Variants in ERICH1 observed in about 807,000 individuals in gnomAD.
ERICH1 encodes the protein glutamate rich 1.
Under a neutral mutation model 39.6 loss-of-function variants are expected in ERICH1, and 56 were observed. That is an observed-to-expected ratio of 1.41 (90% CI 1.14 to 1.77). The LOEUF is 1.77. Among genes scored for constraint, ERICH1 ranks in the 40% most tolerant of loss-of-function variants. The probability of loss-of-function intolerance (pLI) is 0.00; values close to 1 mark genes in which losing one functional copy is unlikely to be tolerated. For missense variants in ERICH1, 826 were observed against 575.4 expected (o/e 1.44, Z -4.45); for synonymous variants, 313 against 223.6 (o/e 1.40, Z -3.57).
At chr8:632,689 C>T (rs945093479) in intron 3 of ERICH1, among the ~76,000 whole-genome samples, 2 of 152,338 alleles carry the variant, frequency 1.3e-5, no homozygotes, top group East Asian at 1.9e-4. Context: ...GCCACGGACA[C>T]GCTCAGTCCC....
At chr8:677,358 C>T (rs988092284) in intron 3 of ERICH1, among the ~76,000 whole-genome samples, 1 of 152,194 alleles carries the variant, frequency 6.6e-6, no homozygotes, top group African/African-American at 2.4e-5. Flanking sequence ...GAGTTCCCAC[C>T]GTGTCTTGTT....
At chr8:689,156 G>A (rs1419855323) in intron 3 of ERICH1, among the ~76,000 whole-genome samples, 1 of 152,124 alleles carries the variant, frequency 6.6e-6, no homozygotes, top group Non-Finnish European at 1.5e-5. Flanking sequence ...CTGTTGCCCA[G>A]GCTGGAGTGC....
At chr8:643,965 C>T (rs893558463) in intron 3 of ERICH1, among the ~76,000 whole-genome samples, 4 of 152,206 alleles carry the variant, frequency 2.6e-5, no homozygotes, top group Non-Finnish European at 5.9e-5. Flanking sequence ...AGCACCAGCA[C>T]GGTGGGCCTG....
At chr8:683,928 G>A (rs373550315) in intron 3 of ERICH1, among the ~76,000 whole-genome samples, 1 of 152,134 alleles carries the variant, frequency 6.6e-6, no homozygotes, top group Non-Finnish European at 1.5e-5. Flanking sequence ...CTTTGATACC[G>A]AATTAATGTC....
Position 664,328 on chromosome 8 carries a change from A to C in ERICH1, c.*275T>G. 9.1e-7 allele frequency: 1 copy of C among 1,095,800 alleles called. No homozygotes were observed. The highest frequency in any genetic ancestry group is 4.1e-5 in the South Asian group (1 of 24,178). 67.9% of individuals were successfully genotyped at this position (1,095,800 alleles called of 1,614,324 possible). A position where few individuals can be genotyped will look rare whatever the true frequency, so the allele number is the denominator to read the frequency against. On this transcript the variant is annotated 3_prime_UTR_variant, in exon 6 of 6. Coordinates refer to ENST00000262109, the MANE Select transcript of ERICH1 (RefSeq NM_207332.3). ...ATACATTTAACTTAACAGAATGTCC[A>C]TTTTCAATTTTTACAATAAGTAGAG...
rs376025357 is a variant in ERICH1 at position 634,199 on chromosome 8, A to T, written c.977-18915T>A. Among the ~76,000 whole-genome samples the T allele has an allele frequency of 4.8e-3, 730 of 150,520 alleles. 5 individuals are homozygous for T. Among genetic ancestry groups the T allele is most frequent in the African/African-American group, 0.017 (686 of 40,012 alleles). On this transcript the variant is annotated intron_variant, in intron 3 of 3. Transcript: ENST00000522706. ...AAAAAAAAAAAAACAAACAAAAAAA[A>T]CCCTGATTCAAAAATGGCCAAAGGA...
intron 3 of ERICH1, among the ~76,000 whole-genome samples, chr8:658,980 T>A (rs1220806789): frequency 1.3e-5 from 2 of 151,898 alleles, no homozygotes; most frequent in Admixed American, 6.6e-5. Context: ...CTTGGTAGGG[T>A]CCCCACATCT....
chr8:688,805 T>C (rs966723205), intron 3 of ERICH1, among the ~76,000 whole-genome samples: 1 of 152,140 alleles, frequency 6.6e-6, no homozygotes, highest in Non-Finnish European at 1.5e-5. Context: ...AAAAAGGGTA[T>C]CGATGGGAAA....
Position 673,564 on chromosome 8 carries a change from TC to T in ERICH1, c.787del (p.Glu263ArgfsTer20), listed in dbSNP as rs1327832550. ...ASEEDPTPAGEEDVKDAREED... is the reference protein window; with the variant it reads ...ASEEDPTPAGXEDVKDAREED... ...CTCCCTGGCGTCTTTAACGTCTTCC[TC>T]CCCGGCCGGTGTCGGATCTTCCTCA... is the stretch of plus-strand genomic sequence containing the variant. On this transcript the variant is annotated frameshift_variant, in exon 4 of 6. Transcript: ENST00000262109. LOFTEE classifies it high-confidence loss of function. 6.4e-7 allele frequency: 1 copy of T among 1,551,810 alleles called. No homozygotes were observed. The highest frequency in any genetic ancestry group is 8.8e-7 in the Non-Finnish European group (1 of 1,131,722).
chr8:623,970 T>C (rs981934478), intron 3 of ERICH1, among the ~76,000 whole-genome samples: 40 of 152,188 alleles, frequency 2.6e-4, no homozygotes, highest in African/African-American at 8.9e-4. Context: ...ACATACAGAA[T>C]GGGAGAAAAT....
At chr8:619,835 G>C (rs1362519113) in intron 3 of ERICH1, among the ~76,000 whole-genome samples, 1 of 152,110 alleles carries the variant, frequency 6.6e-6, no homozygotes, top group Non-Finnish European at 1.5e-5. Flanking sequence ...CTGGTATTAG[G>C]CTAGTATAAA....
chr8:727,137 GCA>G (rs2132479081), intron 1 of ERICH1, among the ~76,000 whole-genome samples: 1 of 151,828 alleles, frequency 6.6e-6, no homozygotes, highest in South Asian at 2.1e-4. Flanking sequence ...ACACACACCT[GCA>G]CAGATGCACA....
intron 2 of ERICH1, among the ~76,000 whole-genome samples, chr8:701,278 G>A (rs1328916930): frequency 1.3e-5 from 2 of 151,760 alleles, no homozygotes; most frequent in African/African-American, 4.8e-5. Flanking sequence ...GTACCCACGG[G>A]TCTGCCCCGC....
chr8:702,257 G>C (rs1392089865), intron 2 of ERICH1, among the ~76,000 whole-genome samples: 1 of 152,120 alleles, frequency 6.6e-6, no homozygotes, highest in African/African-American at 2.4e-5. Context: ...AGCGTGCATT[G>C]AATAAGAAAC....
At chr8:724,224 G>A (rs1392160089) in intron 1 of ERICH1, among the ~76,000 whole-genome samples, 4 of 152,034 alleles carry the variant, frequency 2.6e-5, no homozygotes, top group Non-Finnish European at 2.9e-5. Flanking sequence ...GAAGAAAGCC[G>A]GGCACCTGCA....
chr8:726,481 C>A (rs1419148783), intron 1 of ERICH1, among the ~76,000 whole-genome samples: 1 of 151,852 alleles, frequency 6.6e-6, no homozygotes, highest in African/African-American at 2.4e-5. Flanking sequence ...CATACACACA[C>A]AGGCACACAT....
At chr8:624,552 A>C (rs529809289) in intron 3 of ERICH1, among the ~76,000 whole-genome samples, 1 of 152,298 alleles carries the variant, frequency 6.6e-6, no homozygotes, top group African/African-American at 2.4e-5. Context: ...AAAGATGTTC[A>C]ATTGGCTCAC....
At chr8:618,710 A>G (rs1204558198) in intron 3 of ERICH1, among the ~76,000 whole-genome samples, 1 of 152,190 alleles carries the variant, frequency 6.6e-6, no homozygotes, top group Non-Finnish European at 1.5e-5. Flanking sequence ...ACAGCACGCA[A>G]TGGATACTAA....
chr8:724,703 T>G lies in ERICH1; in HGVS notation c.22+6437A>C, dbSNP rs149642645. ...ACTCCAATATTGTTATTTTTTCCAC[T>G]TTCATTAAACATTGGCTTTTTCCTT... On this transcript the variant is annotated intron_variant, in intron 1 of 5. Coordinates refer to ENST00000262109, the MANE Select transcript of ERICH1 (RefSeq NM_207332.3). 2.5e-4 allele frequency among the ~76,000 whole-genome samples: 38 copies of G among 152,344 alleles called. No individual in the cohort carries two copies. The East Asian group carries it at 5.6e-3, about 22-fold the overall frequency.
Sources: allele counts gnomAD v4.1 joint callset (sites outside exome capture counted in the v4.1 genomes callset), GRCh38; gene constraint gnomAD v4.1.1; transcripts MANE v1.5; gene names NCBI Gene and HGNC (gene_info 2026-07-23, HGNC 2026-07-21).